The following SLC71A2 variants were observed in gnomAD, a reference collection of about 807,000 sequenced individuals.
SLC71A2 encodes solute carrier family 71 member 2.
the SLC71A2 span, among the ~76,000 whole-genome samples, chr9:94,401,978 C>T: frequency 6.6e-6 from 1 of 152,184 alleles, no homozygotes; most frequent in Admixed American, 6.5e-5. Flanking sequence ...AACTTCCTGA[C>T]GTTGCCATGA....
At chr9:94,417,169 C>G in the SLC71A2 span, among the ~76,000 whole-genome samples, 20 of 152,154 alleles carry the variant, frequency 1.3e-4, no homozygotes, top group African/African-American at 4.8e-4. Flanking sequence ...TATAGATAAA[C>G]CAAATCACTT....
chr9:94,413,885 T>G, the SLC71A2 span, among the ~76,000 whole-genome samples: 3 of 152,308 alleles, frequency 2.0e-5, no homozygotes, highest in East Asian at 1.9e-4. Context: ...GTTGGTGATG[T>G]CTGTTAACTG....
At chr9:94,376,737 A>C in the SLC71A2 span, among the ~76,000 whole-genome samples, 4 of 88,706 alleles carry the variant, frequency 4.5e-5, no homozygotes, top group East Asian at 3.0e-4. Flanking sequence ...TATTCTTTGC[A>C]TGTATGATTG....
chr9:94,405,124 G>T, the SLC71A2 span, among the ~76,000 whole-genome samples: 1 of 151,968 alleles, frequency 6.6e-6, no homozygotes, highest in African/African-American at 2.4e-5. Flanking sequence ...AATGGCCTTG[G>T]TACCCTTGTT....
chr9:94,444,838 G>C, the SLC71A2 span: 6 of 768,984 alleles, frequency 7.8e-6, no homozygotes, highest in Non-Finnish European at 1.3e-5. Context: ...GTATGCACCT[G>C]TGGGACCCTG....
chr9:94,384,199 CTA>C, the SLC71A2 span, among the ~76,000 whole-genome samples: 1 of 152,124 alleles, frequency 6.6e-6, no homozygotes, highest in Admixed American at 6.5e-5. Context: ...TCCTTTGTTT[CTA>C]TGTGTTTGAC....
the SLC71A2 span, chr9:94,458,507 T>A: frequency 2.5e-6 from 4 of 1,581,604 alleles, no homozygotes; most frequent in African/African-American, 4.1e-5. Context: ...CAATTATGTA[T>A]GATTATAGCA....
chr9:94,400,185 C>G, the SLC71A2 span, among the ~76,000 whole-genome samples: 2 of 151,846 alleles, frequency 1.3e-5, no homozygotes, highest in Admixed American at 6.6e-5. Context: ...TCTGCCTCCT[C>G]GACCAACTAA....
At chr9:94,399,444 T>G in the SLC71A2 span, among the ~76,000 whole-genome samples, 1 of 152,154 alleles carries the variant, frequency 6.6e-6, no homozygotes, top group African/African-American at 2.4e-5. Context: ...AATACACACA[T>G]TTGTAAGTAT....
At chr9:94,409,374 T>G in the SLC71A2 span, among the ~76,000 whole-genome samples, 2 of 15,176 alleles carry the variant, frequency 1.3e-4, no homozygotes, top group Admixed American at 1.9e-3. Context: ...TGGTCTTAAC[T>G]TCTTAACTCC....
At chr9:94,424,134 C>T in the SLC71A2 span, among the ~76,000 whole-genome samples, 13 of 152,100 alleles carry the variant, frequency 8.5e-5, no homozygotes, top group African/African-American at 2.4e-4. Context: ...ATGAGACAAC[C>T]GTCCATATAT....
chr9:94,423,793 G>A, the SLC71A2 span, among the ~76,000 whole-genome samples: 1 of 152,194 alleles, frequency 6.6e-6, no homozygotes, highest in Admixed American at 6.5e-5. Flanking sequence ...AAGAATGGTG[G>A]CATCTTCACC....
chr9:94,382,276 CT>C, the SLC71A2 span, among the ~76,000 whole-genome samples: 3 of 152,154 alleles, frequency 2.0e-5, no homozygotes, highest in African/African-American at 7.2e-5. Flanking sequence ...GTCCACCTGC[CT>C]CAGCCTCGCA....
the SLC71A2 span, among the ~76,000 whole-genome samples, chr9:94,453,442 C>T: frequency 6.6e-6 from 1 of 152,288 alleles, no homozygotes; most frequent in South Asian, 2.1e-4. Flanking sequence ...GCCACCACAC[C>T]CGGCCAGCCC....
chr9:94,381,306 G>T, the SLC71A2 span, among the ~76,000 whole-genome samples: 4 of 150,718 alleles, frequency 2.7e-5, no homozygotes, highest in Admixed American at 6.6e-5. Context: ...AAAGTGCTGG[G>T]ATTACAGGCG....
At chr9:94,453,817 T>C in the SLC71A2 span, 1 of 633,846 alleles carries the variant, frequency 1.6e-6, no homozygotes, top group Non-Finnish European at 2.8e-6. Context: ...TCATCAGTAC[T>C]GTCCAGACTC....
the SLC71A2 span, among the ~76,000 whole-genome samples, chr9:94,403,562 A>T: frequency 2.6e-5 from 4 of 151,334 alleles, no homozygotes; most frequent in Non-Finnish European, 5.9e-5. Context: ...TATTTTGTTT[A>T]AACATTCATA....
chr9:94,445,244 G>C, the SLC71A2 span: 1 of 1,334,540 alleles, frequency 7.5e-7, no homozygotes, highest in Non-Finnish European at 1.0e-6. Context: ...GCAAATGAAA[G>C]TATGTATGTG....
chr9:94,375,564 T>C, the SLC71A2 span, among the ~76,000 whole-genome samples: 1 of 152,160 alleles, frequency 6.6e-6, no homozygotes, highest in Non-Finnish European at 1.5e-5. Flanking sequence ...TGGTTTCATA[T>C]GGTGCAATAT....
Sources: gnomAD v4.1 joint callset for allele counts (sites outside exome capture counted in the v4.1 genomes callset) on GRCh38, gnomAD v4.1.1 for gene constraint, MANE v1.5 for transcripts, NCBI Gene and HGNC (gene_info 2026-07-23, HGNC 2026-07-21) for gene names.